SNTB1: variants seen among roughly 807,000 people sequenced by gnomAD.
SNTB1 encodes the protein beta-1-syntrophin.
Under a neutral mutation model 48.9 loss-of-function variants are expected in SNTB1, and 36 were observed. The ratio of observed to expected loss-of-function variants is 0.74; its 90% CI spans 0.56 to 0.97. SNTB1 has a LOEUF of 0.97. Ranked by LOEUF, SNTB1 falls within the 50% of genes least tolerant of loss-of-function variation. The pLI, the probability that SNTB1 is intolerant of heterozygous loss-of-function variation, is 0.00. For synonymous variants in SNTB1, 299 were observed against 294.6 expected, an observed-to-expected ratio of 1.01 and a Z score of -0.15; for missense variants, 786 against 703.4, an observed-to-expected ratio of 1.12 and a Z score of -1.33.
chr8:120,636,590 G>T (rs1476154260), intron 2 of SNTB1, among the ~76,000 whole-genome samples: 2 of 147,750 alleles, frequency 1.4e-5, no homozygotes, highest in Admixed American at 1.4e-4. Flanking sequence ...TTTTATGGCT[G>T]CATAGTATTC....
At chr8:120,663,134 C>G (rs1018154896) in intron 2 of SNTB1, among the ~76,000 whole-genome samples, 6 of 152,086 alleles carry the variant, frequency 3.9e-5, no homozygotes, top group African/African-American at 1.2e-4. Context: ...TTGCCTAGGT[C>G]CAAGTACTGG....
chr8:120,726,501 T>C (rs1473592909), intron 1 of SNTB1, among the ~76,000 whole-genome samples: 1 of 152,166 alleles, frequency 6.6e-6, no homozygotes, highest in Non-Finnish European at 1.5e-5. Flanking sequence ...CTAAACAAAA[T>C]TATGAATGAA....
intron 2 of SNTB1, among the ~76,000 whole-genome samples, chr8:120,633,356 A>T (rs964266170): frequency 6.6e-6 from 1 of 152,218 alleles, no homozygotes; most frequent in Non-Finnish European, 1.5e-5. Flanking sequence ...CTGTAATCCC[A>T]GCACTTTGGA....
intron 1 of SNTB1, among the ~76,000 whole-genome samples, chr8:120,736,363 T>C (rs552970826): frequency 2.6e-5 from 4 of 152,234 alleles, no homozygotes; most frequent in East Asian, 1.9e-4. Flanking sequence ...AGGACAAAAG[T>C]TGATATTCTG....
chr8:120,654,552 T>C (rs1006409096), intron 2 of SNTB1, among the ~76,000 whole-genome samples: 1 of 152,178 alleles, frequency 6.6e-6, no homozygotes, highest in Admixed American at 6.5e-5. Flanking sequence ...TATGGAACTA[T>C]TTCTGATAAC....
At chr8:120,546,433 A>G (rs1369627429) in intron 5 of SNTB1, among the ~76,000 whole-genome samples, 1 of 152,046 alleles carries the variant, frequency 6.6e-6, no homozygotes, top group East Asian at 1.9e-4. Flanking sequence ...TTTACCTAGT[A>G]ATGTTACCTA....
chr8:120,760,751 T>C (rs918213265), intron 1 of SNTB1, among the ~76,000 whole-genome samples: 4 of 152,148 alleles, frequency 2.6e-5, no homozygotes, highest in Admixed American at 2.0e-4. Context: ...AGTAAGATTT[T>C]ATCAGAAAGA....
At chr8:120,773,174 G>A (rs1819670586) in intron 1 of SNTB1, among the ~76,000 whole-genome samples, 3 of 152,310 alleles carry the variant, frequency 2.0e-5, no homozygotes, top group South Asian at 4.1e-4. Flanking sequence ...TGAACTTGGG[G>A]TAATATGGAG....
At chr8:120,722,071 TC>T (rs1818669910) in intron 1 of SNTB1, among the ~76,000 whole-genome samples, 1 of 152,184 alleles carries the variant, frequency 6.6e-6, no homozygotes, top group South Asian at 2.1e-4. Context: ...CATGAACTCA[TC>T]CTTTTTTATG....
At chr8:120,596,700 C>T (rs1456889560) in intron 3 of SNTB1, among the ~76,000 whole-genome samples, 1 of 152,224 alleles carries the variant, frequency 6.6e-6, no homozygotes, top group African/African-American at 2.4e-5. Flanking sequence ...CTTCTCCACC[C>T]TCCCTTCCAC....
chr8:120,639,438 T>C (rs886425486), intron 2 of SNTB1, among the ~76,000 whole-genome samples: 3 of 152,162 alleles, frequency 2.0e-5, no homozygotes, highest in African/African-American at 7.2e-5. Context: ...ATTGCTTTTG[T>C]GTTTTAGACA....
intron 1 of SNTB1, among the ~76,000 whole-genome samples, chr8:120,716,233 G>C (rs1349660075): frequency 6.6e-6 from 1 of 152,168 alleles, no homozygotes; most frequent in Non-Finnish European, 1.5e-5. Flanking sequence ...GCCACAGACT[G>C]ACTGCCTGAG....
chr8:120,617,634 C>T (rs984813564), intron 3 of SNTB1, among the ~76,000 whole-genome samples: 1 of 152,162 alleles, frequency 6.6e-6, no homozygotes, highest in African/African-American at 2.4e-5. Context: ...TGGGCTTCCT[C>T]GTGCATTTTG....
intron 2 of SNTB1, chr8:120,655,072 G>A (rs1239233294): frequency 2.3e-6 from 1 of 443,990 alleles, no homozygotes; most frequent in Non-Finnish European, 4.5e-6. Flanking sequence ...ATAAATAACA[G>A]TGGTTAACTC....
chr8:120,651,300 T>G (rs527246311), intron 2 of SNTB1, among the ~76,000 whole-genome samples: 2 of 152,258 alleles, frequency 1.3e-5, no homozygotes, highest in African/African-American at 4.8e-5. Context: ...GAAAATAAAA[T>G]AACTTTAGGG....
chr8:120,755,145 TGTGTGTGTG>T lies in SNTB1; in HGVS notation c.571+56119_571+56127del, dbSNP rs1563591250. The stretch of plus-strand genomic sequence containing the variant: ...GAGTCTAAGCTATGCTGTGGTGTTG[TGTGTGTGTG>T]TGTGTGTGTGTGTGTGTGAGAGAGA... On this transcript the variant is annotated intron_variant, in intron 1 of 6. Coordinates refer to ENST00000517992, the MANE Select transcript of SNTB1 (RefSeq NM_021021.4). Among the ~76,000 whole-genome samples, 92 of 146,748 alleles carry T rather than the reference TGTGTGTGTG, an allele frequency of 6.3e-4. No homozygotes were observed. The Middle Eastern group carries it at 0.017, about 28-fold the overall frequency.
chr8:120,654,961 G>A, intron 2 of SNTB1: 1 of 456,100 alleles, frequency 2.2e-6, no homozygotes, highest in South Asian at 1.5e-5. Flanking sequence ...AGCAACTTCG[G>A]GGAATCCAGG....
In SNTB1 at chr8:120,779,417, C is replaced by T. The variant is rs552342430; in HGVS notation, c.571+31856G>A. On this transcript the variant is annotated intron_variant, in intron 1 of 6. Transcript: ENST00000517992. ...ACTTGGGAGGCTGAGGCAGGAGAAT[C>T]GCTTGAACCTGGGAGGCAGAGGCTG... Among the ~76,000 whole-genome samples, 8 of 152,154 alleles carry T rather than the reference C, an allele frequency of 5.3e-5. No individual in the cohort carries two copies. In the East Asian group the frequency reaches 1.5e-3, roughly 29 times the overall value.
At chr8:120,679,070 T>C (rs1029478855) in intron 2 of SNTB1, among the ~76,000 whole-genome samples, 1 of 152,212 alleles carries the variant, frequency 6.6e-6, no homozygotes, top group Non-Finnish European at 1.5e-5. Context: ...GGGTAAGAGC[T>C]TCCCACTGGG....
Sources: allele counts gnomAD v4.1 joint callset (sites outside exome capture counted in the v4.1 genomes callset), GRCh38; gene constraint gnomAD v4.1.1; transcripts MANE v1.5; gene names NCBI Gene and HGNC (gene_info 2026-07-23, HGNC 2026-07-21).